Variants in PGR observed in about 807,000 individuals in gnomAD.
The protein encoded by PGR is progesterone receptor, also known as nuclear receptor subfamily 3 group C member 3.
In PGR, 25 loss-of-function variants were observed where a neutral mutation model predicts 76.1. The observed-to-expected ratio is 0.33, with a 90% CI of 0.24 to 0.46. The LOEUF is 0.46. Ranked by LOEUF, PGR falls within the 20% of genes least tolerant of loss-of-function variation. The probability of loss-of-function intolerance (pLI) is 1.00; values close to 1 mark genes in which losing one functional copy is unlikely to be tolerated. For synonymous variants in PGR, 579 were observed against 535.0 expected (o/e 1.08, Z -1.14); for missense variants, 1,172 against 1,225.3 (o/e 0.96, Z 0.65).
intron 3 of PGR, among the ~76,000 whole-genome samples, chr11:101,073,540 C>T (rs530814231): frequency 1.3e-5 from 2 of 151,528 alleles, no homozygotes; most frequent in African/African-American, 4.8e-5. Context: ...TCAATGAATC[C>T]AGGAGCTGGT....
At chr11:101,044,628 C>A (rs1859801123) in intron 6 of PGR, among the ~76,000 whole-genome samples, 1 of 151,666 alleles carries the variant, frequency 6.6e-6, no homozygotes, top group Non-Finnish European at 1.5e-5. Flanking sequence ...ATCATTTCTA[C>A]CTCAGACTTG....
intron 3 of PGR, among the ~76,000 whole-genome samples, chr11:101,074,236 T>G (rs1440607187): frequency 6.6e-6 from 1 of 152,112 alleles, no homozygotes; most frequent in East Asian, 1.9e-4. Context: ...CACATGATTA[T>G]CTCAATAGAT....
Position 101,039,206 on chromosome 11 carries a change from T to C in PGR, c.2712A>G (p.Glu904=). Residue 904 remains glutamate (E), a synonymous_variant, in exon 8 of 8, where the codon GAA becomes GAG. Coordinates refer to ENST00000325455, the MANE Select transcript of PGR (RefSeq NM_000926.4). ...TAACTTCAGACATCATTTCTGGAAA[T>C]TCAACACTCAGTGCCCGGGACTGGA... is the stretch of plus-strand genomic sequence containing the variant. ...TFIQSRALSV[E]FPEMMSEVIA... The C allele has an allele frequency of 6.2e-7, 1 of 1,611,650 alleles. No homozygotes were observed. The highest frequency in any genetic ancestry group is 8.5e-7 in the Non-Finnish European group (1 of 1,178,120).
In PGR at chr11:101,096,215, C is replaced by A. The variant is rs74445725; in HGVS notation, c.1790-4339G>T. 2.6e-5 allele frequency among the ~76,000 whole-genome samples: 4 copies of A among 152,150 alleles called. No individual in the cohort carries two copies. In the East Asian group the frequency reaches 7.7e-4, roughly 29 times the overall value. On this transcript the variant is annotated intron_variant, in intron 2 of 7. Transcript: ENST00000325455. ...TAAGGGCACTGGCATGAAGTCACGA[C>A]CTTGAGGGGTTGGCACGACTCATAT...
Position 101,128,435 on chromosome 11 carries a change from C to A in PGR, c.636G>T (p.Pro212=), listed in dbSNP as rs761108251. The change falls in exon 1 of 8, where the codon CCG becomes CCT. Residue 212 remains proline (P), a synonymous_variant. Transcript: ENST00000325455. ...CCTCCACCGCAGCGGCCTGCGGAGA[C>A]GGCTTCACTGGGGCCCCGGACCAGT... ...SPHWSGAPVK[P]SPQAAAVEVE... The A allele has an allele frequency of 1.4e-5, 22 of 1,610,518 alleles. No individual in the cohort carries two copies. Among genetic ancestry groups the A allele is most frequent in the Non-Finnish European group, 1.9e-5 (22 of 1,179,820 alleles).
chr11:101,106,902 C>A (rs1202095263), intron 2 of PGR, among the ~76,000 whole-genome samples: 1 of 152,172 alleles, frequency 6.6e-6, no homozygotes, highest in Non-Finnish European at 1.5e-5. Flanking sequence ...AGAATGAGTT[C>A]ATGTTCTTCG....
intron 2 of PGR, among the ~76,000 whole-genome samples, chr11:101,115,563 G>A (rs530743220): frequency 6.6e-6 from 1 of 152,230 alleles, no homozygotes; most frequent in East Asian, 1.9e-4. Flanking sequence ...CTTCAGGTCA[G>A]GAGTTCAAGA....
chr11:101,111,177 T>C (rs1025971479), intron 2 of PGR, among the ~76,000 whole-genome samples: 1 of 152,196 alleles, frequency 6.6e-6, no homozygotes, highest in African/African-American at 2.4e-5. Flanking sequence ...ATGTGTCTAC[T>C]ATAGTGCCTG....
At chr11:101,093,312 A>ATTTT (rs112288755) in intron 2 of PGR, among the ~76,000 whole-genome samples, 14 of 145,772 alleles carry the variant, frequency 9.6e-5, no homozygotes, top group African/African-American at 3.5e-4. Context: ...TTTGACTCTA[A>ATTTT]TTTTTTTTTT....
chr11:101,070,669 G>A (rs1860901325), intron 3 of PGR, among the ~76,000 whole-genome samples: 1 of 152,200 alleles, frequency 6.6e-6, no homozygotes. Context: ...TGAGGCTTGA[G>A]TAGGCAGTTT....
At chr11:101,111,911 C>G (rs1862357150) in intron 2 of PGR, among the ~76,000 whole-genome samples, 1 of 152,136 alleles carries the variant, frequency 6.6e-6, no homozygotes. Flanking sequence ...ACTCAGAATA[C>G]TCAGCACTGG....
chr11:101,074,062 A>T (rs1861037041), intron 3 of PGR, among the ~76,000 whole-genome samples: 1 of 152,238 alleles, frequency 6.6e-6, no homozygotes, highest in South Asian at 2.1e-4. Context: ...ATGAATATTG[A>T]TGCAAAAATC....
At chr11:101,100,743 A>G (rs1861971862) in intron 2 of PGR, among the ~76,000 whole-genome samples, 1 of 152,148 alleles carries the variant, frequency 6.6e-6, no homozygotes, top group African/African-American at 2.4e-5. Flanking sequence ...TCACCAGGAC[A>G]TTTCACAATA....
At chr11:101,051,621 A>C in intron 4 of PGR, 53 bp from the exon 5 acceptor site, 14 of 1,299,514 alleles carry the variant, frequency 1.1e-5, no homozygotes, top group Non-Finnish European at 1.3e-5. Flanking sequence ...GAATTATCTC[A>C]AAAATGTTGA....
intron 7 of PGR, among the ~76,000 whole-genome samples, chr11:101,040,220 ACCT>A (rs1379555107): frequency 6.6e-6 from 1 of 152,006 alleles, no homozygotes; most frequent in East Asian, 1.9e-4. Flanking sequence ...TGTAAAAATC[ACCT>A]CAATTACAGT....
chr11:101,122,810 G>A (rs1415302881), intron 2 of PGR, among the ~76,000 whole-genome samples: 1 of 152,052 alleles, frequency 6.6e-6, no homozygotes, highest in Non-Finnish European at 1.5e-5. Flanking sequence ...AACATGGGAG[G>A]GAGGTGAAGA....
chr11:101,120,392 C>T (rs1417888969), intron 2 of PGR, among the ~76,000 whole-genome samples: 1 of 152,142 alleles, frequency 6.6e-6, no homozygotes, highest in South Asian at 2.1e-4. Context: ...TCATTTAGAA[C>T]TGTATCAAAA....
At chr11:101,100,851 C>T (rs1411355501) in intron 2 of PGR, among the ~76,000 whole-genome samples, 1 of 152,080 alleles carries the variant, frequency 6.6e-6, no homozygotes, top group Non-Finnish European at 1.5e-5. Flanking sequence ...GACATCCCCC[C>T]CTGCAACAAT....
intron 1 of PGR, among the ~76,000 whole-genome samples, chr11:101,126,600 T>C (rs1004482430): frequency 6.6e-6 from 1 of 152,248 alleles, no homozygotes; most frequent in Non-Finnish European, 1.5e-5. Flanking sequence ...AACACAACCC[T>C]GTAATCATTG....
Sources: gnomAD v4.1 joint callset for allele counts (sites outside exome capture counted in the v4.1 genomes callset) on GRCh38, gnomAD v4.1.1 for gene constraint, MANE v1.5 for transcripts, NCBI Gene and HGNC (gene_info 2026-07-23, HGNC 2026-07-21) for gene names.